MDGA1: variants seen among roughly 807,000 people sequenced by gnomAD.
The protein encoded by MDGA1 is MAM domain containing glycosylphosphatidylinositol anchor 1, also known as MAM domain-containing glycosylphosphatidylinositol anchor protein 1.
MDGA1 carries 54 observed loss-of-function variants against 101.5 expected under a neutral mutation model. The observed-to-expected ratio is 0.53, with a 90% CI of 0.43 to 0.67. The LOEUF is 0.67. MDGA1 is among the 30% of genes least tolerant of loss of function. The probability of loss-of-function intolerance (pLI) is 0.00; values close to 1 mark genes in which losing one functional copy is unlikely to be tolerated. For missense variants in MDGA1, 1,083 were observed against 1,323.8 expected (o/e 0.82, Z 2.82); for synonymous variants, 533 against 558.3 (o/e 0.95, Z 0.64).
chr6:37,644,923 G>A (rs1761152447), intron 12 of MDGA1, among the ~76,000 whole-genome samples: 1 of 152,126 alleles, frequency 6.6e-6, no homozygotes, highest in African/African-American at 2.4e-5. Flanking sequence ...GAAATGTATA[G>A]GATTATAAAG....
rs189370424 is a variant in MDGA1 at position 37,638,762 on chromosome 6, C to A, written c.2537-95G>T. ...AGCCCTCTTCTCCCACCATAGCCTGCAGCCCTGTCCCTGTTGACAGGACCT... is the reference window on the plus strand; with the variant it reads ...AGCCCTCTTCTCCCACCATAGCCTGAAGCCCTGTCCCTGTTGACAGGACCT... On this transcript the variant is annotated intron_variant, in intron 14 of 16. Coordinates refer to ENST00000434837, the MANE Select transcript of MDGA1 (RefSeq NM_153487.4). This position sits in a 1 kb window ranked among gnomAD's most constrained non-coding sequence, Gnocchi z 4.8. 2.2e-4 allele frequency: 320 copies of A among 1,486,204 alleles called. No homozygotes were observed. The African/African-American group carries it at 3.4e-3, about 16-fold the overall frequency. 92.1% of individuals were successfully genotyped at this position (1,486,204 alleles called of 1,614,324 possible).
chr6:37,644,454 C>A (rs766710675), intron 13 of MDGA1, 43 bp downstream of exon 13: 11 of 1,499,658 alleles, frequency 7.3e-6, no homozygotes, highest in Non-Finnish European at 8.9e-6. Context: ...TAGACACCCC[C>A]CTGAAGCAAT....
intron 1 of MDGA1, among the ~76,000 whole-genome samples, chr6:37,690,717 C>T (rs947686738): frequency 5.4e-5 from 8 of 147,162 alleles, no homozygotes; most frequent in Non-Finnish European, 1.0e-4. Context: ...GCAAAGGTTG[C>T]GGTGAGCCAA....
chr6:37,641,211 C>T (rs955050875), intron 14 of MDGA1, among the ~76,000 whole-genome samples: 2 of 152,188 alleles, frequency 1.3e-5, no homozygotes, highest in African/African-American at 2.4e-5. Flanking sequence ...GTGGCTCTCT[C>T]CCACCAGGGG....
In MDGA1 at chr6:37,655,785, G is replaced by A. The variant is rs1425151633; in HGVS notation, c.494C>T (p.Ala165Val). The change falls in exon 4 of 17, where the codon GCC becomes GTC. Residue 165 changes from alanine to valine, a missense_variant. Physicochemically the swap from Ala to Val is moderately conservative, Grantham distance 64. Transcript: ENST00000434837. The surrounding 1 kb of genome is among the most constrained non-coding windows in gnomAD (Gnocchi z 5.1). ...GGAACCCCGCTTCCAGATGAAGCGG[G>A]CAGGCGGGTTGGAGTTGACAGTACA... ...LRCTVNSNPP[A>V]RFIWKRGSDT... The A allele has an allele frequency of 1.2e-6, 2 of 1,613,548 alleles. No homozygotes were observed. Among genetic ancestry groups the A allele is most frequent in the Admixed American group, 1.7e-5 (1 of 59,978 alleles).
At chr6:37,670,346 G>A (rs1025578845) in intron 1 of MDGA1, among the ~76,000 whole-genome samples, 2 of 152,186 alleles carry the variant, frequency 1.3e-5, no homozygotes, top group Admixed American at 6.5e-5. Flanking sequence ...GACATTAAAC[G>A]GGTAGGGATG....
In MDGA1 at chr6:37,655,610, C is replaced by T. The variant is rs1160408789; in HGVS notation, c.579+90G>A. ...AAAGTAAGAATAGAATTGTTGAAGT[C>T]AAGGCAGTCCCAAAAACTCAGCCCC... is the stretch of plus-strand genomic sequence containing the variant. On this transcript the variant is annotated intron_variant, in intron 4 of 16. Transcript: ENST00000434837. This position sits in a 1 kb window ranked among gnomAD's most constrained non-coding sequence, Gnocchi z 5.1. 1.0e-6 allele frequency: 1 copy of T among 962,804 alleles called. No individual in the cohort carries two copies. The highest frequency in any genetic ancestry group is 1.5e-6 in the Non-Finnish European group (1 of 649,722). The allele number at this position is 962,804 out of a possible 1,614,324, so 59.6% of individuals were successfully genotyped here. A position where few individuals can be genotyped will look rare whatever the true frequency, so the allele number is the denominator to read the frequency against.
At chr6:37,665,944 T>C (rs1761740396) in intron 1 of MDGA1, among the ~76,000 whole-genome samples, 1 of 152,160 alleles carries the variant, frequency 6.6e-6, no homozygotes, top group African/African-American at 2.4e-5. Context: ...TCAGCAGAAA[T>C]TCCTGTCTCA....
chr6:37,663,255 G>A (rs1883901), intron 2 of MDGA1, among the ~76,000 whole-genome samples: 12,678 of 152,126 alleles, frequency 0.083, 685 homozygotes, highest in East Asian at 0.19. Flanking sequence ...ACACTTCGAC[G>A]GTGACAAAAT....
intron 1 of MDGA1, among the ~76,000 whole-genome samples, chr6:37,689,855 C>T (rs1021751908): frequency 6.6e-6 from 1 of 152,168 alleles, no homozygotes; most frequent in African/African-American, 2.4e-5. Context: ...TTTGCAACAG[C>T]CTCTAACTGG....
chr6:37,642,179 C>CT (rs34171567), intron 14 of MDGA1, among the ~76,000 whole-genome samples: 36,101 of 109,208 alleles, frequency 0.33, 6,028 homozygotes, highest in East Asian at 0.49. Flanking sequence ...TGGTTTCTTT[C>CT]TTTTTTTTTT....
At chr6:37,678,497 T>G (rs1042432106) in intron 1 of MDGA1, among the ~76,000 whole-genome samples, 2 of 152,114 alleles carry the variant, frequency 1.3e-5, no homozygotes, top group Admixed American at 6.5e-5. Context: ...CTCCCTGTCA[T>G]GACTCCCATC....
Position 37,655,140 on chromosome 6 carries a change from G to T in MDGA1, c.580-208C>A. 1 of 613,990 alleles carries T rather than the reference G, an allele frequency of 1.6e-6. No homozygotes were observed. Among genetic ancestry groups the T allele is most frequent in the South Asian group, 2.0e-5 (1 of 49,346 alleles). 38.0% of individuals were successfully genotyped at this position (613,990 alleles called of 1,614,324 possible). ...CATAGCCTTGGCAGTGCCTCATCAT[G>T]GGATTCTCTGGGTCTGAGGTTGCCC... On this transcript the variant is annotated intron_variant, in intron 4 of 16. Transcript: ENST00000434837. The surrounding 1 kb of genome is among the most constrained non-coding windows in gnomAD (Gnocchi z 5.1).
intron 2 of MDGA1, among the ~76,000 whole-genome samples, chr6:37,661,264 C>T (rs931070092): frequency 6.6e-6 from 1 of 152,198 alleles, no homozygotes; most frequent in African/African-American, 2.4e-5. Context: ...CCAGTCTCTT[C>T]ATGGGCTAGG....
At chr6:37,657,486 C>T (rs1343015376) in intron 3 of MDGA1, among the ~76,000 whole-genome samples, 3 of 152,234 alleles carry the variant, frequency 2.0e-5, no homozygotes, top group African/African-American at 7.2e-5. Context: ...AAATGGCCCT[C>T]AGCTCCAGGG....
At chr6:37,660,113 A>C (rs1186042909) in intron 2 of MDGA1, among the ~76,000 whole-genome samples, 2 of 150,474 alleles carry the variant, frequency 1.3e-5, no homozygotes. Flanking sequence ...TCTTGGGCTC[A>C]AGGATCCTCC....
intron 9 of MDGA1, among the ~76,000 whole-genome samples, 182 bp from the exon 10 acceptor site, chr6:37,647,506 G>C (rs1368183455): frequency 1.3e-5 from 2 of 152,000 alleles, no homozygotes; most frequent in Non-Finnish European, 2.9e-5. Flanking sequence ...GGGAAAACGA[G>C]GATGGGATAG....
At chr6:37,647,363 T>C (rs1581850687) in intron 9 of MDGA1, 39 bp from the exon 10 acceptor site, 1 of 1,373,310 alleles carries the variant, frequency 7.3e-7, no homozygotes, top group Non-Finnish European at 9.8e-7. Flanking sequence ...CCGTGGAGGG[T>C]GCAGGGGAGA....
Position 37,650,304 on chromosome 6 carries a change from G to A in MDGA1, c.1414C>T (p.Pro472Ser). ...TTGTCCACGCGGGACCAGAGCACTG[G>A]CGGCCGCGGCTTGCCCCGCACCTCG... ...QCEVRGKPRP[P>S]VLWSRVDKEA... Residue 472 changes from proline (P) to serine (S), a missense_variant, in exon 8 of 17, where the codon CCA becomes TCA. Transcript: ENST00000434837. The A allele has an allele frequency of 6.3e-7, 1 of 1,597,384 alleles. No homozygotes were observed. Among genetic ancestry groups the A allele is most frequent in the South Asian group, 1.1e-5 (1 of 89,192 alleles).
Sources: allele counts gnomAD v4.1 joint callset (sites outside exome capture counted in the v4.1 genomes callset), GRCh38; gene constraint gnomAD v4.1.1; non-coding constraint Gnocchi (gnomAD v3.1); transcripts MANE v1.5; gene names NCBI Gene and HGNC (gene_info 2026-07-23, HGNC 2026-07-21).